Variants in TRPM3 observed in about 807,000 individuals in gnomAD.
TRPM3 encodes the protein transient receptor potential cation channel subfamily M member 3.
TRPM3 carries 77 observed loss-of-function variants against 181.2 expected under a neutral mutation model. The ratio of observed to expected loss-of-function variants is 0.42; its 90% CI spans 0.35 to 0.51. The LOEUF is 0.51. Among genes scored for constraint, TRPM3 ranks in the 20% least tolerant of loss-of-function variants. The pLI, the probability that TRPM3 is intolerant of heterozygous loss-of-function variation, is 0.01. For missense variants in TRPM3, 1,759 were observed against 2,196.7 expected (o/e 0.80, Z 3.98); for synonymous variants, 745 against 796.4 (o/e 0.94, Z 1.09).
chr9:71,431,570 G>A (rs373354128), intron 1 of TRPM3, among the ~76,000 whole-genome samples: 3 of 152,016 alleles, frequency 2.0e-5, no homozygotes, highest in South Asian at 2.1e-4. Flanking sequence ...ACACATTAAC[G>A]TTGCTTACAC....
At chr9:70,752,950 A>C (rs2076444122) in intron 8 of TRPM3, among the ~76,000 whole-genome samples, 1 of 152,002 alleles carries the variant, frequency 6.6e-6, no homozygotes, top group Non-Finnish European at 1.5e-5. Context: ...TCTCTACTAA[A>C]AGTACAAAAA....
At chr9:70,591,692 T>C (rs1274297338) in intron 21 of TRPM3, among the ~76,000 whole-genome samples, 2 of 152,106 alleles carry the variant, frequency 1.3e-5, no homozygotes, top group African/African-American at 4.8e-5. Flanking sequence ...GAAAGGCTAA[T>C]GAAAAATTGG....
At chr9:71,200,748 A>T (rs1565334466) in intron 1 of TRPM3, among the ~76,000 whole-genome samples, 1 of 151,974 alleles carries the variant, frequency 6.6e-6, no homozygotes, top group Non-Finnish European at 1.5e-5. Flanking sequence ...CCATCCTTTT[A>T]TTTTGAGTCT....
intron 1 of TRPM3, among the ~76,000 whole-genome samples, chr9:70,927,762 T>C (rs1338530623): frequency 1.3e-5 from 2 of 152,128 alleles, no homozygotes; most frequent in East Asian, 3.9e-4. Flanking sequence ...GGGTGATTTA[T>C]GGCAAAACTA....
chr9:71,207,829 T>C lies in TRPM3; in HGVS notation c.183+238824A>G, dbSNP rs542280706. On this transcript the variant is annotated intron_variant, in intron 1 of 24. Transcript: ENST00000357533. ...TATAAAAGAACATAGACAGTTGCTA[T>C]ATTTCAATCTCTTTTACTTTTATCC... 1.2e-3 allele frequency among the ~76,000 whole-genome samples: 185 copies of C among 152,332 alleles called. 3 individuals are homozygous for C. The highest frequency in any genetic ancestry group is 8.3e-4 in the South Asian group (4 of 4,830).
intron 1 of TRPM3, among the ~76,000 whole-genome samples, chr9:71,129,696 TAG>T (rs1373393652): frequency 1.3e-5 from 2 of 152,208 alleles, no homozygotes; most frequent in African/African-American, 4.8e-5. Context: ...AATATTTATA[TAG>T]GGTTCCTGCG....
intron 1 of TRPM3, 109 bp downstream of exon 1, chr9:71,121,069 T>G (rs1300829019): frequency 1.9e-6 from 2 of 1,046,334 alleles, no homozygotes; most frequent in Non-Finnish European, 2.8e-6. Context: ...GAGCCAGTAC[T>G]GCATGCATTT....
intron 16 of TRPM3, 97 bp from the exon 17 acceptor site, chr9:70,619,192 G>C: frequency 1.1e-6 from 1 of 947,104 alleles, no homozygotes; most frequent in Non-Finnish European, 1.6e-6. Flanking sequence ...GGGGTCACTG[G>C]ATGATGTAGG....
intron 1 of TRPM3, among the ~76,000 whole-genome samples, chr9:71,217,846 T>C (rs1297621258): frequency 6.6e-6 from 1 of 152,108 alleles, no homozygotes; most frequent in Admixed American, 6.6e-5. Context: ...TGAGCTGTCC[T>C]TAACAGTGAC....
rs551835889 is a variant in TRPM3 at position 71,253,362 on chromosome 9, G to A, written c.183+193291C>T. Reference sequence around the variant, plus strand: ...ATTTTGCTTTCCTGGGGGACATTTGGCAATATTTAAAGACATTTTTAGTTG... The same window carrying A: ...ATTTTGCTTTCCTGGGGGACATTTGACAATATTTAAAGACATTTTTAGTTG... On this transcript the variant is annotated intron_variant, in intron 1 of 24. Transcript: ENST00000357533. Among the ~76,000 whole-genome samples, 4 of 152,200 alleles carry A rather than the reference G, an allele frequency of 2.6e-5. No homozygotes were observed. The East Asian group carries it at 7.7e-4, about 29-fold the overall frequency.
intron 1 of TRPM3, among the ~76,000 whole-genome samples, chr9:71,329,643 C>A (rs2089970842): frequency 6.6e-6 from 1 of 152,130 alleles, no homozygotes; most frequent in African/African-American, 2.4e-5. Flanking sequence ...GCCATGAAGA[C>A]AAATCAATAT....
At chr9:70,905,805 C>A (rs901843764) in intron 1 of TRPM3, among the ~76,000 whole-genome samples, 1 of 151,036 alleles carries the variant, frequency 6.6e-6, no homozygotes, top group Non-Finnish European at 1.5e-5. Flanking sequence ...TGCGGTGGTG[C>A]AATTGCAGCT....
At chr9:71,227,089 G>A (rs868369378) in intron 1 of TRPM3, among the ~76,000 whole-genome samples, 4 of 133,664 alleles carry the variant, frequency 3.0e-5, no homozygotes, top group African/African-American at 8.6e-5. Context: ...AGTCTGGGCG[G>A]CAGCATGATA....
chr9:71,418,466 G>A (rs2093671251), intron 1 of TRPM3, among the ~76,000 whole-genome samples: 1 of 151,726 alleles, frequency 6.6e-6, no homozygotes, highest in Admixed American at 6.6e-5. Context: ...CATTCCAAAA[G>A]GGAGCCTCTA....
At chr9:71,019,836 G>A (rs1416659169) in intron 1 of TRPM3, among the ~76,000 whole-genome samples, 1 of 152,082 alleles carries the variant, frequency 6.6e-6, no homozygotes, top group Admixed American at 6.6e-5. Context: ...GAGTGTGTCA[G>A]TGCAAATAGA....
intron 1 of TRPM3, among the ~76,000 whole-genome samples, chr9:71,016,233 GTGGT>G (rs1424537634): frequency 3.3e-4 from 21 of 63,522 alleles, no homozygotes; most frequent in Admixed American, 1.6e-3. Context: ...TTATACATGT[GTGGT>G]GTGTGTGTGT....
At chr9:71,378,208 G>A (rs141896009) in intron 1 of TRPM3, among the ~76,000 whole-genome samples, 154 of 152,106 alleles carry the variant, frequency 1.0e-3, no homozygotes, top group Admixed American at 3.1e-3. Context: ...AGACCAAATA[G>A]GGTTTAATTT....
chr9:70,838,305 G>A (rs1027448810), intron 5 of TRPM3, among the ~76,000 whole-genome samples: 2 of 152,046 alleles, frequency 1.3e-5, no homozygotes, highest in African/African-American at 2.4e-5. Context: ...TTTCCAAGGC[G>A]ATAATGAGGA....
chr9:70,896,464 G>A lies in TRPM3; in HGVS notation c.178-31953C>T, dbSNP rs369880945. On this transcript the variant is annotated intron_variant, in intron 1 of 25. Transcript: ENST00000677713. Reference sequence around the variant, plus strand: ...CATATTGATTACATTAAGCAGATAAGTGCCATATCTTCAATTTATTTTAAG... The same window carrying A: ...CATATTGATTACATTAAGCAGATAAATGCCATATCTTCAATTTATTTTAAG... Among the ~76,000 whole-genome samples the A allele has an allele frequency of 2.2e-4, 34 of 152,274 alleles. 1 individual carries two copies. In the South Asian group the frequency reaches 6.2e-3, roughly 28 times the overall value.
Sources: gnomAD v4.1 joint callset for allele counts (sites outside exome capture counted in the v4.1 genomes callset) on GRCh38, gnomAD v4.1.1 for gene constraint, MANE v1.5 for transcripts, NCBI Gene and HGNC (gene_info 2026-07-23, HGNC 2026-07-21) for gene names.